The following MTMR7 variants were observed in gnomAD, a reference collection of about 807,000 sequenced individuals.
MTMR7 encodes the protein phosphatidylinositol-3-phosphate phosphatase MTMR7.
MTMR7 carries 76 observed loss-of-function variants against 81.2 expected under a neutral mutation model. The observed-to-expected ratio is 0.94, with a 90% CI of 0.78 to 1.13. The LOEUF (loss-of-function observed/expected upper bound fraction) is 1.13, where lower values mean the gene tolerates loss of function less well. Ranked by LOEUF, MTMR7 falls within the 50% of genes most tolerant of loss-of-function variation. The probability of loss-of-function intolerance (pLI) is 0.00; values close to 1 mark genes in which losing one functional copy is unlikely to be tolerated. For synonymous variants in MTMR7, 372 were observed against 289.8 expected, an observed-to-expected ratio of 1.28 and a Z score of -2.88; for missense variants, 1,044 against 820.0, an observed-to-expected ratio of 1.27 and a Z score of -3.34.
chr8:17,359,558 G>C (rs1281612694), intron 4 of MTMR7, among the ~76,000 whole-genome samples: 1 of 145,506 alleles, frequency 6.9e-6, no homozygotes, highest in Non-Finnish European at 1.5e-5. Flanking sequence ...CTCTAGCCTG[G>C]GTAACAGAGT....
chr8:17,359,834 T>C (rs1379885530), intron 4 of MTMR7, among the ~76,000 whole-genome samples: 1 of 152,186 alleles, frequency 6.6e-6, no homozygotes, highest in African/African-American at 2.4e-5. Flanking sequence ...GTATAAGGAA[T>C]CAAGCATTCA....
chr8:17,364,331 T>G (rs1224278564), intron 3 of MTMR7, among the ~76,000 whole-genome samples: 1 of 152,062 alleles, frequency 6.6e-6, no homozygotes, highest in African/African-American at 2.4e-5. Flanking sequence ...CCGCGCCCGG[T>G]CAAAAAGTGA....
chr8:17,304,307 A>G (rs1366512959), intron 12 of MTMR7, 72 bp downstream of exon 12: 14 of 1,534,908 alleles, frequency 9.1e-6, no homozygotes. Context: ...ATACACTTTG[A>G]CCTCTGAATG....
In MTMR7 at chr8:17,302,204, C is replaced by G. The variant is rs776791101; in HGVS notation, c.1570G>C (p.Val524Leu). 6 of 1,614,022 alleles carry G rather than the reference C, an allele frequency of 3.7e-6. No individual in the cohort carries two copies. Among genetic ancestry groups the G allele is most frequent in the African/African-American group, 1.3e-5 (1 of 74,926 alleles). Residue 524 changes from valine to leucine, a missense_variant, in exon 13 of 14, where the codon GTG (valine) becomes CTG (leucine). Physicochemically the swap from Val to Leu is conservative, Grantham distance 32. Transcript: ENST00000180173. ...TCTAGCTGCTGAGTTTCTTCCTTCACTGCCATTAGGTAATCTGTAACTGAC... is the reference window on the plus strand; with the variant it reads ...TCTAGCTGCTGAGTTTCTTCCTTCAGTGCCATTAGGTAATCTGTAACTGAC... Reference protein sequence around the residue: ...RQSVTDYLMAVKEETQQLEEE... With the variant: ...RQSVTDYLMALKEETQQLEEE...
In MTMR7 at chr8:17,393,350, A is replaced by C. The variant is rs150803419; in HGVS notation, c.24+19919T>G. Among the ~76,000 whole-genome samples the C allele has an allele frequency of 7.8e-4, 119 of 152,304 alleles. 1 individual carries two copies. Among genetic ancestry groups the C allele is most frequent in the Admixed American group, 6.2e-3 (95 of 15,296 alleles). On this transcript the variant is annotated intron_variant, in intron 1 of 13. Transcript: ENST00000180173. ...AGGTAATTTCTTAGATATGGCACCT[A>C]AAGTATGAGCAACCAAAGGAAAATA...
chr8:17,413,191 C>T lies in MTMR7; in HGVS notation c.24+78G>A. 5 of 1,496,992 alleles carry T rather than the reference C, an allele frequency of 3.3e-6. No individual in the cohort carries two copies. In the South Asian group the frequency reaches 4.8e-5, roughly 14 times the overall value. 92.7% of individuals were successfully genotyped at this position (1,496,992 alleles called of 1,614,324 possible). On this transcript the variant is annotated intron_variant, in intron 1 of 13. Transcript: ENST00000180173. ...GCCGGTGCCCCTCAAAGCAGTCGGC[C>T]TCCCGCGCGCTCAGCATCCCTCCTC... is the stretch of plus-strand genomic sequence containing the variant.
Position 17,371,211 on chromosome 8 carries a change from T to C in MTMR7, c.148-12A>G, listed in dbSNP as rs2150565072. The C allele has an allele frequency of 6.2e-7, 1 of 1,613,434 alleles. No individual in the cohort carries two copies. Among genetic ancestry groups the C allele is most frequent in the Non-Finnish European group, 8.5e-7 (1 of 1,179,644 alleles). On this transcript the variant is annotated splice_polypyrimidine_tract_variant and intron_variant, in intron 2 of 13. Transcript: ENST00000180173. ...TGACTGTGAAGAATCTAGAACCAAA[T>C]GTTAATGTGCATAAGCTAAGCACAA... is the stretch of plus-strand genomic sequence containing the variant.
intron 9 of MTMR7, among the ~76,000 whole-genome samples, chr8:17,310,043 T>TAGGCTGG (rs1817696904): frequency 6.6e-6 from 1 of 152,156 alleles, no homozygotes; most frequent in African/African-American, 2.4e-5. Context: ...CTCAGCCACG[T>TAGGCTGG]AGGCTGGAGT....
intron 1 of MTMR7, among the ~76,000 whole-genome samples, chr8:17,380,214 A>T (rs540922967): frequency 6.6e-6 from 1 of 152,208 alleles, no homozygotes; most frequent in Non-Finnish European, 1.5e-5. Flanking sequence ...ATATCTCATG[A>T]ATCAGGCCAA....
chr8:17,309,796 A>G (rs1019189880), intron 9 of MTMR7, among the ~76,000 whole-genome samples: 2 of 152,154 alleles, frequency 1.3e-5, no homozygotes, highest in African/African-American at 4.8e-5. Context: ...AATGTAAATT[A>G]CCAACCTCTT....
At chr8:17,380,403 G>A (rs1431206569) in intron 1 of MTMR7, among the ~76,000 whole-genome samples, 1 of 152,090 alleles carries the variant, frequency 6.6e-6, no homozygotes, top group Non-Finnish European at 1.5e-5. Context: ...TCATAGTTCT[G>A]TTGAACTTGA....
intron 6 of MTMR7, among the ~76,000 whole-genome samples, chr8:17,340,135 T>C (rs573804347): frequency 6.6e-5 from 10 of 152,362 alleles, no homozygotes; most frequent in Non-Finnish European, 1.5e-4. Context: ...TTATTTTTAA[T>C]AGAGATGAGG....
intron 1 of MTMR7, among the ~76,000 whole-genome samples, chr8:17,377,370 T>C (rs1043443528): frequency 1.3e-5 from 2 of 152,116 alleles, no homozygotes; most frequent in African/African-American, 4.8e-5. Context: ...TTAATTCTTA[T>C]CTGTGGGTAA....
chr8:17,393,642 G>T (rs1360159341), intron 1 of MTMR7, among the ~76,000 whole-genome samples: 1 of 152,092 alleles, frequency 6.6e-6, no homozygotes, highest in African/African-American at 2.4e-5. Flanking sequence ...AGTGGAAGCT[G>T]AACGATGAGA....
At chr8:17,367,896 G>A (rs1455595051) in intron 3 of MTMR7, among the ~76,000 whole-genome samples, 2 of 141,270 alleles carry the variant, frequency 1.4e-5, no homozygotes, top group Non-Finnish European at 3.0e-5. Flanking sequence ...TATTTTTAAA[G>A]TACTTTTGAT....
chr8:17,360,090 A>C (rs2150556220), intron 4 of MTMR7, among the ~76,000 whole-genome samples: 1 of 152,364 alleles, frequency 6.6e-6, no homozygotes, highest in South Asian at 2.1e-4. Flanking sequence ...AGCCATACTT[A>C]GGTAATACTA....
chr8:17,328,930 T>C (rs1383401117), intron 7 of MTMR7, among the ~76,000 whole-genome samples: 3 of 152,148 alleles, frequency 2.0e-5, no homozygotes, highest in Non-Finnish European at 4.4e-5. Flanking sequence ...TAAAATTAGA[T>C]CATCTCTATA....
intron 1 of MTMR7, among the ~76,000 whole-genome samples, chr8:17,396,985 C>G (rs376082461): frequency 6.6e-6 from 1 of 151,982 alleles, no homozygotes; most frequent in African/African-American, 2.4e-5. Context: ...AGAAGGAAAC[C>G]TGCCGAATGG....
At chr8:17,313,510 T>C (rs1333558089) in intron 7 of MTMR7, 109 bp from the exon 8 acceptor site, 2 of 658,216 alleles carry the variant, frequency 3.0e-6, no homozygotes, top group African/African-American at 1.9e-5. Flanking sequence ...TATTAGGTAT[T>C]TTCTGGAAGC....
Sources: allele counts gnomAD v4.1 joint callset (sites outside exome capture counted in the v4.1 genomes callset), GRCh38; gene constraint gnomAD v4.1.1; transcripts MANE v1.5; gene names NCBI Gene and HGNC (gene_info 2026-07-23, HGNC 2026-07-21).